Variants in TBC1D22A observed in about 807,000 individuals in gnomAD.
TBC1D22A encodes the protein TBC1 domain family member 22A, also known as putative GTPase activator.
In TBC1D22A, 38 loss-of-function variants were observed where a neutral mutation model predicts 60.2. The observed-to-expected ratio is 0.63, with a 90% confidence interval of 0.49 to 0.83. The LOEUF (loss-of-function observed/expected upper bound fraction) is 0.83. Ranked by LOEUF, TBC1D22A falls within the 40% of genes least tolerant of loss-of-function variation. The pLI is 0.00. For missense variants in TBC1D22A, 628 were observed against 701.0 expected, an observed-to-expected ratio of 0.90 and a Z score of 1.18; for synonymous variants, 302 against 281.7, an observed-to-expected ratio of 1.07 and a Z score of -0.72.
At chr22:47,126,441 G>T (rs868320385) in intron 12 of TBC1D22A, among the ~76,000 whole-genome samples, 12 of 152,208 alleles carry the variant, frequency 7.9e-5, no homozygotes, top group African/African-American at 9.6e-5. Flanking sequence ...CCAGCATGCG[G>T]CCAGCAGTAC....
chr22:46,862,474 T>C (rs968010145), intron 4 of TBC1D22A, among the ~76,000 whole-genome samples: 1 of 152,204 alleles, frequency 6.6e-6, no homozygotes, highest in Non-Finnish European at 1.5e-5. Context: ...AGGGCATGTA[T>C]GCACTCTGTG....
chr22:46,897,791 G>C (rs1019726918), intron 7 of TBC1D22A, among the ~76,000 whole-genome samples: 3 of 151,462 alleles, frequency 2.0e-5, no homozygotes, highest in African/African-American at 7.3e-5. Context: ...TATAGTAAAT[G>C]TTATCTCTTT....
intron 5 of TBC1D22A, among the ~76,000 whole-genome samples, chr22:46,887,189 C>CA (rs2068161723): frequency 6.6e-6 from 1 of 152,234 alleles, no homozygotes; most frequent in Non-Finnish European, 1.5e-5. Context: ...CATCTGTACT[C>CA]ATACTTCACA....
At position 47,163,555 on chromosome 22, in the gene TBC1D22A, G is replaced by T. The variant is rs139674847; in HGVS notation, c.1426-9943G>T. 5.7e-3 allele frequency among the ~76,000 whole-genome samples: 871 copies of T among 152,322 alleles called. 11 individuals are homozygous for T. Among genetic ancestry groups the T allele is most frequent in the South Asian group, 0.047 (229 of 4,830 alleles). On this transcript the variant is annotated intron_variant, in intron 12 of 12. Transcript: ENST00000337137. ...AGTTACACAGAAGGCAGACGGGTGA[G>T]GTTGCAATGGGAAAGGGACAGCCAT...
chr22:46,974,689 A>G (rs1413123312), intron 9 of TBC1D22A, among the ~76,000 whole-genome samples: 1 of 152,144 alleles, frequency 6.6e-6, no homozygotes, highest in East Asian at 1.9e-4. Flanking sequence ...CCACCACCAA[A>G]TAGGGCACAG....
At chr22:46,973,200 C>T (rs1473102304) in intron 8 of TBC1D22A, among the ~76,000 whole-genome samples, 1 of 152,210 alleles carries the variant, frequency 6.6e-6, no homozygotes, top group Non-Finnish European at 1.5e-5. Flanking sequence ...TCTGGGTCCT[C>T]AGGGAGCACT....
chr22:47,003,164 A>C (rs1283445421), intron 10 of TBC1D22A, among the ~76,000 whole-genome samples: 1 of 152,120 alleles, frequency 6.6e-6, no homozygotes, highest in East Asian at 1.9e-4. Flanking sequence ...ACAATTTTTT[A>C]ATATAAGTAT....
At chr22:46,828,957 A>G (rs911779618) in intron 4 of TBC1D22A, among the ~76,000 whole-genome samples, 2 of 152,142 alleles carry the variant, frequency 1.3e-5, no homozygotes, top group Non-Finnish European at 2.9e-5. Flanking sequence ...TCTGTTTCAG[A>G]TGAGCTAGAG....
intron 1 of TBC1D22A, chr22:46,763,116 A>G: frequency 2.3e-6 from 1 of 428,190 alleles, no homozygotes; most frequent in Non-Finnish European, 4.1e-6. Context: ...TCTTTCCGAG[A>G]AACTCCTGGG....
rs114852052 is a variant in TBC1D22A, at chr22:47,154,247, C to T, written c.1426-19251C>T. Reference sequence around the variant, plus strand: ...CCCCTCCAGCCCACCTCCTCACACTCTGCGCTTTTGAGAGCTGTTCCTAGT... The same window carrying T: ...CCCCTCCAGCCCACCTCCTCACACTTTGCGCTTTTGAGAGCTGTTCCTAGT... On this transcript the variant is annotated intron_variant, in intron 12 of 12. Coordinates refer to ENST00000337137, the MANE Select transcript of TBC1D22A (RefSeq NM_014346.5). Among the ~76,000 whole-genome samples, 373 of 152,288 alleles carry T rather than the reference C, an allele frequency of 2.4e-3. 2 individuals carry two copies. Among genetic ancestry groups the T allele is most frequent in the African/African-American group, 7.5e-3 (310 of 41,562 alleles).
chr22:47,098,467 T>TG (rs1038322330), intron 11 of TBC1D22A, among the ~76,000 whole-genome samples: 5 of 152,212 alleles, frequency 3.3e-5, no homozygotes, highest in African/African-American at 1.2e-4. Flanking sequence ...CCACAGGAAC[T>TG]GGACACTCTT....
intron 11 of TBC1D22A, among the ~76,000 whole-genome samples, chr22:47,049,677 T>G (rs1766265450): frequency 1.3e-5 from 2 of 152,238 alleles, no homozygotes; most frequent in South Asian, 4.1e-4. Context: ...TAAATTTCTC[T>G]TTGGCTCTGT....
intron 1 of TBC1D22A, among the ~76,000 whole-genome samples, chr22:46,787,916 G>A (rs1383855350): frequency 6.7e-6 from 1 of 150,266 alleles, no homozygotes; most frequent in Non-Finnish European, 1.5e-5. Context: ...AGGGGTAGGT[G>A]ACTTTGGGCA....
At chr22:46,847,969 G>A (rs993315343) in intron 4 of TBC1D22A, among the ~76,000 whole-genome samples, 3 of 147,310 alleles carry the variant, frequency 2.0e-5, no homozygotes, top group Admixed American at 1.4e-4. Flanking sequence ...GCGCGCACGC[G>A]CTCTACACAG....
intron 8 of TBC1D22A, among the ~76,000 whole-genome samples, chr22:46,929,878 C>T (rs1569233624): frequency 6.6e-6 from 1 of 152,128 alleles, no homozygotes; most frequent in South Asian, 2.1e-4. Flanking sequence ...ACCTGGTGTG[C>T]TGGGAACTTT....
At chr22:46,861,981 A>G (rs2087913972) in intron 4 of TBC1D22A, among the ~76,000 whole-genome samples, 2 of 152,232 alleles carry the variant, frequency 1.3e-5, no homozygotes, top group African/African-American at 4.8e-5. Context: ...GTGTCAGGAC[A>G]GTGTACTGGG....
chr22:47,072,856 C>T (rs5767473), intron 11 of TBC1D22A, among the ~76,000 whole-genome samples: 41,857 of 152,220 alleles, frequency 0.27, 6,301 homozygotes, highest in East Asian at 0.57. Context: ...CAGACCTGCC[C>T]TGCCTGTCTG....
At chr22:46,839,768 A>G (rs1168310300) in intron 4 of TBC1D22A, among the ~76,000 whole-genome samples, 1 of 152,246 alleles carries the variant, frequency 6.6e-6, no homozygotes, top group Non-Finnish European at 1.5e-5. Context: ...TGGAATGTAA[A>G]GTAGAGAGCT....
At chr22:46,877,018 C>G (rs1328978124) in intron 4 of TBC1D22A, among the ~76,000 whole-genome samples, 1 of 152,190 alleles carries the variant, frequency 6.6e-6, no homozygotes, top group Non-Finnish European at 1.5e-5. Flanking sequence ...CTTTGATCTA[C>G]TAAGATTTTA....
Sources: gnomAD v4.1 joint callset for allele counts (sites outside exome capture counted in the v4.1 genomes callset) on GRCh38, gnomAD v4.1.1 for gene constraint, MANE v1.5 for transcripts, NCBI Gene and HGNC (gene_info 2026-07-23, HGNC 2026-07-21) for gene names.